Variants in EPHB2 observed in about 807,000 individuals in gnomAD.
EPHB2 encodes EPH receptor B2.
Under a neutral mutation model 96.4 loss-of-function variants are expected in EPHB2, and 18 were observed. That is an observed-to-expected ratio of 0.19 (90% CI 0.13 to 0.28). The LOEUF (loss-of-function observed/expected upper bound fraction) is 0.28. Among genes scored for constraint, EPHB2 ranks in the 10% least tolerant of loss-of-function variants. The pLI is 1.00. For synonymous variants in EPHB2, 506 were observed against 534.1 expected, an observed-to-expected ratio of 0.95 and a Z score of 0.72; for missense variants, 989 against 1,355.4, an observed-to-expected ratio of 0.73 and a Z score of 4.25.
intron 9 of EPHB2, among the ~76,000 whole-genome samples, chr1:22,900,679 A>AT (rs1453543157): frequency 6.6e-6 from 1 of 152,132 alleles, no homozygotes; most frequent in Non-Finnish European, 1.5e-5. Context: ...GGTGGGGTCT[A>AT]TTTTTAAGAG....
chr1:22,728,149 A>C (rs1306235609), intron 1 of EPHB2, among the ~76,000 whole-genome samples: 2 of 152,182 alleles, frequency 1.3e-5, no homozygotes, highest in Non-Finnish European at 2.9e-5. Context: ...TCACAAAGGC[A>C]GGGATTTTTT....
chr1:22,867,037 A>G (rs1638503206), intron 5 of EPHB2, among the ~76,000 whole-genome samples: 1 of 152,220 alleles, frequency 6.6e-6, no homozygotes, highest in African/African-American at 2.4e-5. Flanking sequence ...AGAAGGAAGC[A>G]TCCATGTCCC....
intron 1 of EPHB2, among the ~76,000 whole-genome samples, chr1:22,742,499 C>T (rs1465993983): frequency 1.3e-5 from 2 of 152,086 alleles, no homozygotes; most frequent in African/African-American, 2.4e-5. Flanking sequence ...CTTCCTTTCT[C>T]TCTTTCTTCC....
Position 22,781,043 on chromosome 1 carries a change from G to A in EPHB2, c.62-378G>A, listed in dbSNP as rs529304508. ...AGGGCCCGGCCGTGAGGGTCTGGCCGGGCACGGTGGCTCACGCCTGTACTC... is the reference window on the plus strand; with the variant it reads ...AGGGCCCGGCCGTGAGGGTCTGGCCAGGCACGGTGGCTCACGCCTGTACTC... On this transcript the variant is annotated intron_variant, in intron 1 of 15. Coordinates refer to ENST00000374630, the MANE Select transcript of EPHB2 (RefSeq NM_017449.5). 2.0e-5 allele frequency among the ~76,000 whole-genome samples: 3 copies of A among 152,152 alleles called. No homozygotes were observed. The East Asian group carries it at 5.8e-4, about 29-fold the overall frequency.
rs1638416811 is a variant in EPHB2 at position 22,864,911 on chromosome 1, T to C, written c.1002T>C (p.Ser334=). 2 of 1,608,372 alleles carry C rather than the reference T, an allele frequency of 1.2e-6. No individual in the cohort carries two copies. Among genetic ancestry groups the C allele is most frequent in the Non-Finnish European group, 8.5e-7 (1 of 1,177,642 alleles). Residue 334 remains serine, a synonymous_variant, in exon 5 of 16, where the codon AGT becomes AGC. Coordinates refer to ENST00000374630, the MANE Select transcript of EPHB2 (RefSeq NM_017449.5). ...CCGCGCCCCAGGCTGTGATTTCCAG[T>C]GTCAATGAGACCTCCCTCATGCTGG... ...IPSAPQAVIS[S]VNETSLMLEW... is the part of the protein sequence containing the mutation.
chr1:22,905,603 T>C (rs1639885436), intron 9 of EPHB2, among the ~76,000 whole-genome samples: 1 of 152,202 alleles, frequency 6.6e-6, no homozygotes, highest in South Asian at 2.1e-4. Flanking sequence ...TTTTGCCCCC[T>C]TCTTCGTTTA....
At chr1:22,781,032 A>G (rs4655109) in intron 1 of EPHB2, among the ~76,000 whole-genome samples, 101,144 of 151,862 alleles carry the variant, frequency 0.67, 37,204 homozygotes, top group Non-Finnish European at 0.83. Context: ...CCCGGCCGTG[A>G]GGGTCTGGCC....
At chr1:22,792,500 C>T (rs1168787914) in intron 3 of EPHB2, among the ~76,000 whole-genome samples, 2 of 152,162 alleles carry the variant, frequency 1.3e-5, no homozygotes, top group Non-Finnish European at 2.9e-5. Context: ...TCAAGTGATT[C>T]AGGCCTTTGC....
chr1:22,918,076 G>A lies in EPHB2; in HGVS notation c.*4506G>A, dbSNP rs1490566913. The A allele has an allele frequency of 6.6e-6, 1 of 152,308 alleles. No individual in the cohort carries two copies. The highest frequency in any genetic ancestry group is 2.4e-5 in the African/African-American group (1 of 41,438). The allele number at this position is 152,308 out of a possible 1,614,324, so 9.4% of individuals were successfully genotyped here. Reference sequence around the variant, plus strand: ...GGTTCTTGAGCAGGAGGGTAGCATAGTGAGCATCAGGTTCTAGGAAGAAGC... The same window carrying A: ...GGTTCTTGAGCAGGAGGGTAGCATAATGAGCATCAGGTTCTAGGAAGAAGC... On this transcript the variant is annotated 3_prime_UTR_variant, in exon 16 of 16. Coordinates refer to ENST00000374630, the MANE Select transcript of EPHB2 (RefSeq NM_017449.5). The surrounding 1 kb of genome is among the most constrained non-coding windows in gnomAD (Gnocchi z 4.2).
At position 22,905,967 on chromosome 1, in the gene EPHB2, AGC is replaced by A; in HGVS notation, c.1766-19_1766-18del. 6.2e-7 allele frequency: 1 copy of A among 1,614,186 alleles called. No homozygotes were observed. The highest frequency in any genetic ancestry group is 8.5e-7 in the Non-Finnish European group (1 of 1,180,038). On this transcript the variant is annotated intron_variant, in intron 9 of 15. Transcript: ENST00000374630. The stretch of plus-strand genomic sequence containing the variant: ...CATCTTGAGTCAGTCCATATGACAG[AGC>A]CTGGTCTTGTCCCCCAGTGACCCCA...
intron 1 of EPHB2, among the ~76,000 whole-genome samples, chr1:22,767,961 G>A (rs4655107): frequency 0.2 from 29,697 of 152,242 alleles, 3,246 homozygotes; most frequent in Non-Finnish European, 0.24. Flanking sequence ...CAGCAGAGCC[G>A]TGACTGCTTA....
At chr1:22,728,817 A>C (rs912487671) in intron 1 of EPHB2, among the ~76,000 whole-genome samples, 2 of 152,002 alleles carry the variant, frequency 1.3e-5, no homozygotes, top group Non-Finnish European at 2.9e-5. Context: ...GGACCTCAGC[A>C]CCTCTGTGGT....
At chr1:22,894,404 C>T (rs1639487962) in intron 7 of EPHB2, among the ~76,000 whole-genome samples, 1 of 152,058 alleles carries the variant, frequency 6.6e-6, no homozygotes, top group African/African-American at 2.4e-5. Context: ...TCGAGACCAG[C>T]CTGGCCAACA....
At chr1:22,892,056 C>T (rs1035019696) in intron 6 of EPHB2, among the ~76,000 whole-genome samples, 1 of 151,882 alleles carries the variant, frequency 6.6e-6, no homozygotes, top group Non-Finnish European at 1.5e-5. Context: ...CCTGGTCTCC[C>T]AGAGTTCTGG....
intron 1 of EPHB2, among the ~76,000 whole-genome samples, chr1:22,761,706 C>G (rs374330602): frequency 1.3e-5 from 2 of 152,240 alleles, no homozygotes; most frequent in African/African-American, 4.8e-5. Flanking sequence ...GGCAACCCTT[C>G]CCCTGGACGC....
At chr1:22,767,268 G>T (rs901446615) in intron 1 of EPHB2, among the ~76,000 whole-genome samples, 1 of 152,148 alleles carries the variant, frequency 6.6e-6, no homozygotes, top group Admixed American at 6.5e-5. Flanking sequence ...GGAAGTGGGG[G>T]GTGGTCTGAT....
At chr1:22,835,861 A>G (rs894241339) in intron 3 of EPHB2, 5 of 152,052 alleles carry the variant, frequency 3.3e-5, no homozygotes, top group Admixed American at 6.6e-5. Flanking sequence ...TGGGGACGCC[A>G]CTTGGCTTTC....
At chr1:22,763,687 A>C (rs1644266906) in intron 1 of EPHB2, among the ~76,000 whole-genome samples, 1 of 152,176 alleles carries the variant, frequency 6.6e-6, no homozygotes, top group Non-Finnish European at 1.5e-5. Flanking sequence ...TGTTGCTGCT[A>C]TGACTAATTA....
chr1:22,865,181 C>G lies in EPHB2; in HGVS notation c.1272C>G (p.Phe424Leu), dbSNP rs778869890. The G allele has an allele frequency of 3.7e-6, 6 of 1,614,214 alleles. No homozygotes were observed. In the East Asian group the frequency reaches 1.3e-4, roughly 36 times the overall value. The change falls in exon 5 of 16, where the codon TTC becomes TTG. Residue 424 changes from phenylalanine to leucine, a missense_variant. Phe to Leu is a conservative substitution (Grantham distance 22). Coordinates refer to ENST00000374630, the MANE Select transcript of EPHB2 (RefSeq NM_017449.5). Reference protein sequence around the residue: ...VTDQSPFSPQFASVNITTNQA... With the variant: ...VTDQSPFSPQLASVNITTNQA... ...ACCAGAGCCCCTTCTCGCCTCAGTT[C>G]GCCTCTGTGAACATCACCACCAACC...
Sources: allele counts gnomAD v4.1 joint callset (sites outside exome capture counted in the v4.1 genomes callset), GRCh38; gene constraint gnomAD v4.1.1; non-coding constraint Gnocchi (gnomAD v3.1); transcripts MANE v1.5; gene names NCBI Gene and HGNC (gene_info 2026-07-23, HGNC 2026-07-21).